FRYL: variants seen among roughly 807,000 people sequenced by gnomAD.
The protein encoded by FRYL is protein furry homolog-like.
A neutral mutation model predicts 351.2 loss-of-function variants in FRYL; 150 were observed. The ratio of observed to expected loss-of-function variants is 0.43; its 90% confidence interval spans 0.37 to 0.49. The LOEUF is 0.49. FRYL is among the 20% of genes least tolerant of loss of function. The probability of loss-of-function intolerance (pLI) is 0.00; values close to 1 mark genes in which losing one functional copy is unlikely to be tolerated. For missense variants in FRYL, 3,036 were observed against 3,619.3 expected, an observed-to-expected ratio of 0.84 and a Z score of 4.13; for synonymous variants, 1,153 against 1,257.1, an observed-to-expected ratio of 0.92 and a Z score of 1.75.
chr4:48,555,415 G>C (rs1370983800), intron 35 of FRYL, among the ~76,000 whole-genome samples: 3 of 152,212 alleles, frequency 2.0e-5, no homozygotes, highest in Non-Finnish European at 4.4e-5. Context: ...TGATGATTAA[G>C]TGCCAGAAAG....
At chr4:48,537,801 G>C (rs1490512900) in intron 47 of FRYL, among the ~76,000 whole-genome samples, 1 of 152,130 alleles carries the variant, frequency 6.6e-6, no homozygotes, top group Non-Finnish European at 1.5e-5. Context: ...CAGGCTAGGA[G>C]GCCACACTCC....
At chr4:48,771,636 G>T (rs531698676) in intron 1 of FRYL, among the ~76,000 whole-genome samples, 1 of 152,030 alleles carries the variant, frequency 6.6e-6, no homozygotes, top group Non-Finnish European at 1.5e-5. Context: ...TACCATCCTC[G>T]GCTATCCAGA....
At chr4:48,631,156 T>C (rs1205889316) in intron 4 of FRYL, among the ~76,000 whole-genome samples, 5 of 152,108 alleles carry the variant, frequency 3.3e-5, no homozygotes, top group Non-Finnish European at 7.4e-5. Flanking sequence ...TCTTGGTATA[T>C]AGGAGTGTAA....
At chr4:48,595,050 A>G (rs1744319605) in intron 15 of FRYL, among the ~76,000 whole-genome samples, 1 of 152,218 alleles carries the variant, frequency 6.6e-6, no homozygotes, top group South Asian at 2.1e-4. Flanking sequence ...AGACAGGGAG[A>G]AATGAATCTA....
At chr4:48,539,798 T>C (rs1197768297) in intron 47 of FRYL, among the ~76,000 whole-genome samples, 173 bp downstream of exon 47, 2 of 152,210 alleles carry the variant, frequency 1.3e-5, no homozygotes, top group African/African-American at 4.8e-5. Flanking sequence ...TGAGCAGTTG[T>C]AACTTACGCC....
chr4:48,669,973 A>G (rs1257105296), intron 3 of FRYL, among the ~76,000 whole-genome samples: 1 of 152,032 alleles, frequency 6.6e-6, no homozygotes, highest in Non-Finnish European at 1.5e-5. Flanking sequence ...TTTTATGAAT[A>G]GATAGTAGGT....
chr4:48,751,829 A>G (rs1205659443), intron 1 of FRYL, among the ~76,000 whole-genome samples: 1 of 121,418 alleles, frequency 8.2e-6, no homozygotes, highest in Non-Finnish European at 1.7e-5. Flanking sequence ...GCCTTGCTAA[A>G]GAGATTCAAT....
intron 44 of FRYL, among the ~76,000 whole-genome samples, chr4:48,542,767 C>T (rs1233344508): frequency 4.6e-5 from 7 of 152,110 alleles, no homozygotes; most frequent in Non-Finnish European, 8.8e-5. Flanking sequence ...TTTCCTCTAC[C>T]TCCATAACTT....
intron 1 of FRYL, among the ~76,000 whole-genome samples, chr4:48,736,634 G>C (rs1039960430): frequency 1.3e-5 from 2 of 151,922 alleles, no homozygotes; most frequent in African/African-American, 4.8e-5. Flanking sequence ...CGGATCACCT[G>C]AGGTCAAGAG....
In FRYL at chr4:48,653,790, G is replaced by C. The variant is rs150271563; in HGVS notation, c.-80-19300C>G. On this transcript the variant is annotated intron_variant, in intron 3 of 63. Coordinates refer to ENST00000358350, the MANE Select transcript of FRYL (RefSeq NM_015030.2). ...CAGAATCCTGTAGACTCAACATAGT[G>C]TCTCAATCAGCTGCAAAAGCAGCAG... The C allele has an allele frequency of 2.9e-5, 37 of 1,288,970 alleles. No homozygotes were observed. In the African/African-American group the frequency reaches 4.0e-4, roughly 14 times the overall value. 79.8% of individuals were successfully genotyped at this position (1,288,970 alleles called of 1,614,324 possible). A position where few individuals can be genotyped will look rare whatever the true frequency, so the allele number is the denominator to read the frequency against.
chr4:48,776,435 T>G (rs1776038824), intron 1 of FRYL, among the ~76,000 whole-genome samples: 1 of 152,218 alleles, frequency 6.6e-6, no homozygotes, highest in Admixed American at 6.5e-5. Context: ...TTCTTTACAG[T>G]AAGTGATTTT....
At chr4:48,511,136 G>C in intron 57 of FRYL, 152 bp from the exon 58 acceptor site, 1 of 534,212 alleles carries the variant, frequency 1.9e-6, no homozygotes, top group East Asian at 3.3e-5. Context: ...ATATTTTTAG[G>C]TATTTCCTTA....
intron 3 of FRYL, among the ~76,000 whole-genome samples, chr4:48,656,020 TAA>T (rs1479538901): frequency 7.3e-6 from 1 of 137,906 alleles, no homozygotes; most frequent in Non-Finnish European, 1.5e-5. Context: ...ATATATAATG[TAA>T]AATATAATGT....
rs549070198 is a variant in FRYL at position 48,728,381 on chromosome 4, A to G, written c.-383-17683T>C. On this transcript the variant is annotated intron_variant, in intron 1 of 63. Coordinates refer to ENST00000358350, the MANE Select transcript of FRYL (RefSeq NM_015030.2). ...CAGAGGACGAAACACAAAACTCAAG[A>G]ACTGTGGGACAATTACAAAGAGTGT... 2.0e-5 allele frequency among the ~76,000 whole-genome samples: 3 copies of G among 152,260 alleles called. No homozygotes were observed. In the East Asian group the frequency reaches 5.8e-4, roughly 29 times the overall value.
At chr4:48,716,877 G>A (rs1768896151) in intron 1 of FRYL, among the ~76,000 whole-genome samples, 1 of 151,078 alleles carries the variant, frequency 6.6e-6, no homozygotes. Context: ...CAACCCAAAT[G>A]TCCAACAATG....
intron 3 of FRYL, among the ~76,000 whole-genome samples, chr4:48,677,927 T>G (rs1311299960): frequency 6.6e-6 from 1 of 152,224 alleles, no homozygotes; most frequent in Non-Finnish European, 1.5e-5. Flanking sequence ...TGGTCATATT[T>G]TAATGACTTC....
intron 4 of FRYL, among the ~76,000 whole-genome samples, chr4:48,625,374 A>T (rs1751576271): frequency 6.6e-6 from 1 of 152,108 alleles, no homozygotes. Context: ...CAACAATAAA[A>T]CTTTGGGTCA....
intron 10 of FRYL, among the ~76,000 whole-genome samples, chr4:48,606,106 A>G (rs1023256553): frequency 6.7e-6 from 1 of 149,696 alleles, no homozygotes; most frequent in African/African-American, 2.4e-5. Context: ...AGAAAAAAAA[A>G]AAAAAAAAAA....
chr4:48,749,072 G>A (rs758068210), intron 1 of FRYL, among the ~76,000 whole-genome samples: 15 of 152,162 alleles, frequency 9.9e-5, no homozygotes, highest in Non-Finnish European at 1.5e-4. Context: ...GCAAGGAAAC[G>A]GTAGGGGAAA....
Sources: gnomAD v4.1 joint callset for allele counts (sites outside exome capture counted in the v4.1 genomes callset) on GRCh38, gnomAD v4.1.1 for gene constraint, MANE v1.5 for transcripts, NCBI Gene and HGNC (gene_info 2026-07-23, HGNC 2026-07-21) for gene names.